Variants in ZBTB20 observed in about 807,000 individuals in gnomAD.
ZBTB20 encodes the protein zinc finger and BTB domain-containing protein 20.
A neutral mutation model predicts 56.9 loss-of-function variants in ZBTB20; 9 were observed. That is an observed-to-expected ratio of 0.16 (90% CI 0.10 to 0.28). ZBTB20 has a LOEUF of 0.28. ZBTB20 is among the 10% of genes least tolerant of loss of function. The pLI, the probability that ZBTB20 is intolerant of heterozygous loss-of-function variation, is 1.00. For missense variants in ZBTB20, 655 were observed against 1,003.0 expected, an observed-to-expected ratio of 0.65 and a Z score of 4.69; for synonymous variants, 417 against 420.7, an observed-to-expected ratio of 0.99 and a Z score of 0.11.
intron 6 of ZBTB20, among the ~76,000 whole-genome samples, chr3:114,663,822 T>G (rs964898990): frequency 2.6e-5 from 4 of 150,972 alleles, no homozygotes; most frequent in Non-Finnish European, 5.9e-5. Context: ...AGGGATCAAT[T>G]CAACAAGAGG....
At chr3:114,374,475 T>C (rs2083387521) in intron 10 of ZBTB20, among the ~76,000 whole-genome samples, 1 of 152,224 alleles carries the variant, frequency 6.6e-6, no homozygotes, top group African/African-American at 2.4e-5. Context: ...TGCAAATTAG[T>C]GTGACCCTAA....
At chr3:114,708,065 T>C (rs955084525) in intron 5 of ZBTB20, among the ~76,000 whole-genome samples, 1 of 152,202 alleles carries the variant, frequency 6.6e-6, no homozygotes, top group Non-Finnish European at 1.5e-5. Flanking sequence ...GGTTTTTTCT[T>C]TCTTTTTGTT....
chr3:115,130,504 T>C (rs1237178853), intron 1 of ZBTB20, among the ~76,000 whole-genome samples: 1 of 152,248 alleles, frequency 6.6e-6, no homozygotes, highest in Non-Finnish European at 1.5e-5. Flanking sequence ...TCAGCTCTGA[T>C]GTGGGCATGA....
chr3:114,975,922 C>T (rs1383366775), intron 2 of ZBTB20, among the ~76,000 whole-genome samples: 1 of 152,098 alleles, frequency 6.6e-6, no homozygotes, highest in Non-Finnish European at 1.5e-5. Context: ...TAGTGCCTGC[C>T]ATATACTAGG....
At chr3:114,463,386 T>C (rs2092412973) in intron 7 of ZBTB20, among the ~76,000 whole-genome samples, 1 of 152,186 alleles carries the variant, frequency 6.6e-6, no homozygotes, top group African/African-American at 2.4e-5. Context: ...CTTTTTCAGG[T>C]TACAGCTAAG....
At chr3:114,772,231 C>T (rs1439050242) in intron 5 of ZBTB20, among the ~76,000 whole-genome samples, 2 of 152,018 alleles carry the variant, frequency 1.3e-5, no homozygotes, top group Non-Finnish European at 2.9e-5. Context: ...GTCCCAGCTA[C>T]CTGGGAGGCT....
rs576070964 is a variant in ZBTB20 at position 114,816,923 on chromosome 3, G to A, written c.-416-15749C>T. Among the ~76,000 whole-genome samples, 32 of 152,210 alleles carry A rather than the reference G, an allele frequency of 2.1e-4. 1 individual carries two copies. In the South Asian group the frequency reaches 6.2e-3, roughly 30 times the overall value. On this transcript the variant is annotated intron_variant, in intron 4 of 11. Coordinates refer to ENST00000675478, the MANE Select transcript of ZBTB20 (RefSeq NM_001348800.3). Reference sequence around the variant, plus strand: ...CACTGATAATATCTTACAGATTAATGTGCATGACATTTGTCTATCCAGTGT... The same window carrying A: ...CACTGATAATATCTTACAGATTAATATGCATGACATTTGTCTATCCAGTGT...
At chr3:114,964,106 G>C (rs998405233) in intron 3 of ZBTB20, among the ~76,000 whole-genome samples, 2 of 152,058 alleles carry the variant, frequency 1.3e-5, no homozygotes, top group Non-Finnish European at 2.9e-5. Flanking sequence ...CTAGAAAGGA[G>C]CCAGGCATGA....
At chr3:114,600,493 A>G (rs2056675462) in intron 6 of ZBTB20, among the ~76,000 whole-genome samples, 1 of 152,026 alleles carries the variant, frequency 6.6e-6, no homozygotes, top group Non-Finnish European at 1.5e-5. Flanking sequence ...CTTCACTTGA[A>G]GGCCTTATCC....
chr3:114,368,799 G>C (rs1483685362), intron 10 of ZBTB20, among the ~76,000 whole-genome samples: 1 of 152,216 alleles, frequency 6.6e-6, no homozygotes, highest in East Asian at 1.9e-4. Context: ...CTGTTAGCAT[G>C]TCAACCCAGG....
intron 4 of ZBTB20, among the ~76,000 whole-genome samples, chr3:114,867,964 T>C (rs1312516408): frequency 6.6e-6 from 1 of 152,152 alleles, no homozygotes; most frequent in African/African-American, 2.4e-5. Context: ...CTCTTCTGAA[T>C]AACTTTGTTT....
intron 6 of ZBTB20, among the ~76,000 whole-genome samples, chr3:114,670,603 T>A (rs924896042): frequency 6.6e-6 from 1 of 152,070 alleles, no homozygotes; most frequent in African/African-American, 2.4e-5. Context: ...AAAATTTATT[T>A]CTAGAACAAG....
At chr3:115,036,469 C>A (rs1036454245) in intron 2 of ZBTB20, among the ~76,000 whole-genome samples, 1 of 151,654 alleles carries the variant, frequency 6.6e-6, no homozygotes, top group African/African-American at 2.4e-5. Context: ...GGCTGGAGTG[C>A]AGTGGTGCGA....
At chr3:114,373,205 C>T (rs147160634) in intron 10 of ZBTB20, among the ~76,000 whole-genome samples, 3,046 of 152,312 alleles carry the variant, frequency 0.02, 110 homozygotes, top group African/African-American at 0.067. Context: ...TGAGCCACTG[C>T]GCCTTGCCCC....
chr3:114,569,075 T>A (rs1286923516), intron 6 of ZBTB20, among the ~76,000 whole-genome samples: 8 of 152,208 alleles, frequency 5.3e-5, no homozygotes, highest in Non-Finnish European at 8.8e-5. Flanking sequence ...TCCAGCTACA[T>A]CACTTGAAAA....
chr3:114,530,812 T>A (rs1284591777), intron 6 of ZBTB20, among the ~76,000 whole-genome samples: 3 of 152,200 alleles, frequency 2.0e-5, no homozygotes, highest in African/African-American at 7.2e-5. Flanking sequence ...TTCTCATCAC[T>A]GCCCCTCCCT....
intron 10 of ZBTB20, among the ~76,000 whole-genome samples, chr3:114,360,344 CTTTTTT>C (rs11295159): frequency 8.9e-6 from 1 of 111,788 alleles, no homozygotes; most frequent in Non-Finnish European, 1.9e-5. Context: ...GCAAGATTTT[CTTTTTT>C]TTTTTTTTTT....
intron 5 of ZBTB20, among the ~76,000 whole-genome samples, chr3:114,722,669 C>G (rs1043091232): frequency 6.6e-6 from 1 of 152,180 alleles, no homozygotes; most frequent in Non-Finnish European, 1.5e-5. Context: ...ACCTAGTCTG[C>G]TTCCATCAGG....
intron 4 of ZBTB20, among the ~76,000 whole-genome samples, chr3:114,834,126 C>T (rs1250224332): frequency 6.6e-6 from 1 of 152,122 alleles, no homozygotes; most frequent in African/African-American, 2.4e-5. Flanking sequence ...AAGACCAATG[C>T]TATGAAGCAG....
Sources: allele counts gnomAD v4.1 joint callset (sites outside exome capture counted in the v4.1 genomes callset), GRCh38; gene constraint gnomAD v4.1.1; transcripts MANE v1.5; gene names NCBI Gene and HGNC (gene_info 2026-07-23, HGNC 2026-07-21).